SNX29: variants seen among roughly 807,000 people sequenced by gnomAD.
SNX29 encodes sorting nexin 29.
SNX29 carries 78 observed loss-of-function variants against 102.1 expected under a neutral mutation model. The ratio of observed to expected loss-of-function variants is 0.76; its 90% CI spans 0.64 to 0.92. SNX29 has a LOEUF of 0.92. Among genes scored for constraint, SNX29 ranks in the 40% least tolerant of loss-of-function variants. The probability of loss-of-function intolerance (pLI) is 0.00; values close to 1 mark genes in which losing one functional copy is unlikely to be tolerated. For missense variants in SNX29, 1,280 were observed against 1,061.7 expected, an observed-to-expected ratio of 1.21 and a Z score of -2.86; for synonymous variants, 580 against 414.5, an observed-to-expected ratio of 1.40 and a Z score of -4.85.
At chr16:12,216,624 T>G (rs566778003) in intron 14 of SNX29, among the ~76,000 whole-genome samples, 1 of 152,306 alleles carries the variant, frequency 6.6e-6, no homozygotes, top group Non-Finnish European at 1.5e-5. Context: ...GCATGAAGAC[T>G]TAGATTGTGG....
At chr16:12,432,379 A>T (rs2085349205) in intron 18 of SNX29, among the ~76,000 whole-genome samples, 1 of 152,242 alleles carries the variant, frequency 6.6e-6, no homozygotes, top group Non-Finnish European at 1.5e-5. Context: ...GTAAATATTC[A>T]TGATGAGTAA....
At chr16:12,107,095 G>C (rs1217681858) in intron 11 of SNX29, among the ~76,000 whole-genome samples, 1 of 152,218 alleles carries the variant, frequency 6.6e-6, no homozygotes, top group Admixed American at 6.5e-5. Flanking sequence ...TGGGATTCCA[G>C]GTGCGGGCCA....
At chr16:12,197,355 A>AG in intron 13 of SNX29, among the ~76,000 whole-genome samples, 1 of 152,186 alleles carries the variant, frequency 6.6e-6, no homozygotes, top group Non-Finnish European at 1.5e-5. Context: ...GGATCACTTA[A>AG]GGTCAGGAGT....
At chr16:12,173,127 G>T (rs1424908943) in intron 13 of SNX29, among the ~76,000 whole-genome samples, 1 of 152,228 alleles carries the variant, frequency 6.6e-6, no homozygotes, top group Non-Finnish European at 1.5e-5. Context: ...GCGCCGGTAA[G>T]TTCTGTGGAA....
chr16:12,538,727 G>A (rs567095033), intron 20 of SNX29, among the ~76,000 whole-genome samples: 82 of 152,304 alleles, frequency 5.4e-4, no homozygotes, highest in African/African-American at 1.8e-3. Flanking sequence ...AGGGAGCACA[G>A]ACAGGAGAAG....
chr16:12,346,853 C>A (rs2081827395), intron 15 of SNX29, among the ~76,000 whole-genome samples: 1 of 152,088 alleles, frequency 6.6e-6, no homozygotes, highest in South Asian at 2.1e-4. Context: ...GCAGCTGCTG[C>A]TCTATGAAGC....
intron 14 of SNX29, among the ~76,000 whole-genome samples, chr16:12,221,222 G>C (rs954544250): frequency 6.6e-6 from 1 of 152,086 alleles, no homozygotes; most frequent in Non-Finnish European, 1.5e-5. Context: ...AGGCTGAGTG[G>C]GGAGGGGAGA....
At chr16:12,247,052 C>A (rs921211855) in intron 14 of SNX29, among the ~76,000 whole-genome samples, 1 of 152,154 alleles carries the variant, frequency 6.6e-6, no homozygotes, top group Non-Finnish European at 1.5e-5. Flanking sequence ...AAGGTTTGAT[C>A]TTTATCCTAA....
chr16:12,243,133 C>T (rs537748723), intron 14 of SNX29, among the ~76,000 whole-genome samples: 9 of 152,370 alleles, frequency 5.9e-5, no homozygotes, highest in Admixed American at 1.3e-4. Flanking sequence ...TTTGTCTTCT[C>T]GCTCTTTCTG....
intron 14 of SNX29, among the ~76,000 whole-genome samples, chr16:12,241,078 G>GA (rs1237193040): frequency 6.6e-6 from 1 of 151,946 alleles, no homozygotes; most frequent in Non-Finnish European, 1.5e-5. Flanking sequence ...TGCTTTTCTT[G>GA]AAAAAATTAG....
chr16:12,508,755 C>CGG (rs2089484369), intron 19 of SNX29, among the ~76,000 whole-genome samples: 1 of 152,116 alleles, frequency 6.6e-6, no homozygotes, highest in South Asian at 2.1e-4. Context: ...AGCTCCAGGG[C>CGG]GGGGTATAAA....
At chr16:12,010,344 G>C (rs1415504021) in intron 3 of SNX29, among the ~76,000 whole-genome samples, 2 of 152,172 alleles carry the variant, frequency 1.3e-5, no homozygotes, top group African/African-American at 4.8e-5. Context: ...ATTATGGCCA[G>C]GTGCAGTGGC....
At chr16:12,246,053 A>C (rs897437435) in intron 14 of SNX29, among the ~76,000 whole-genome samples, 12 of 152,234 alleles carry the variant, frequency 7.9e-5, no homozygotes, top group Non-Finnish European at 1.3e-4. Context: ...GAAGCACTCC[A>C]TAAACAGCAG....
chr16:12,420,026 G>A (rs959643787), intron 18 of SNX29, among the ~76,000 whole-genome samples: 3 of 152,208 alleles, frequency 2.0e-5, no homozygotes, highest in Non-Finnish European at 4.4e-5. Flanking sequence ...CCACACCAGG[G>A]TTTTTTAACT....
At chr16:12,499,093 C>T (rs551862280) in intron 19 of SNX29, among the ~76,000 whole-genome samples, 62 of 152,252 alleles carry the variant, frequency 4.1e-4, no homozygotes, top group African/African-American at 1.3e-3. Flanking sequence ...TTATGCCCTC[C>T]GCTCATTCCC....
chr16:12,001,976 C>T (rs2056304256), intron 2 of SNX29, among the ~76,000 whole-genome samples: 1 of 150,652 alleles, frequency 6.6e-6, no homozygotes, highest in Admixed American at 6.6e-5. Context: ...GCTATGATGG[C>T]ATCACTCCCC....
intron 16 of SNX29, among the ~76,000 whole-genome samples, chr16:12,392,745 A>G (rs1227529608): frequency 6.6e-6 from 1 of 152,252 alleles, no homozygotes; most frequent in Admixed American, 6.5e-5. Flanking sequence ...GCTGTTTTTA[A>G]AAACCACAGA....
At chr16:12,364,721 TC>T (rs571151609) in intron 16 of SNX29, among the ~76,000 whole-genome samples, 124 of 152,276 alleles carry the variant, frequency 8.1e-4, no homozygotes, top group African/African-American at 3.0e-3. Context: ...GACATTGGAT[TC>T]CTCTTTATTT....
At position 12,573,413 on chromosome 16, in the gene SNX29, AAAG is replaced by A. The variant is rs1407903145; in HGVS notation, c.*4787_*4789del. ...TAGCTAGTTTCTATAGAGAAGTGAA[AAAG>A]AAATCTGGCTTCCTTAATAAGATAG... On this transcript the variant is annotated 3_prime_UTR_variant, in exon 21 of 21. Transcript: ENST00000566228. 1 of 223,444 alleles carries A rather than the reference AAAG, an allele frequency of 4.5e-6. No homozygotes were observed. The highest frequency in any genetic ancestry group is 8.9e-6 in the Non-Finnish European group (1 of 111,988). The allele number at this position is 223,444 out of a possible 1,614,324, so 13.8% of individuals were successfully genotyped here.
Sources: allele counts gnomAD v4.1 joint callset (sites outside exome capture counted in the v4.1 genomes callset), GRCh38; gene constraint gnomAD v4.1.1; transcripts MANE v1.5; gene names NCBI Gene and HGNC (gene_info 2026-07-23, HGNC 2026-07-21).